CDH4: variants seen among roughly 807,000 people sequenced by gnomAD.
CDH4 encodes cadherin 4.
In CDH4, 33 loss-of-function variants were observed where a neutral mutation model predicts 86.0. That is an observed-to-expected ratio of 0.38 (90% confidence interval 0.29 to 0.51). CDH4 has a LOEUF of 0.51. Among genes scored for constraint, CDH4 ranks in the 20% least tolerant of loss-of-function variants. The pLI is 0.86. For missense variants in CDH4, 1,114 were observed against 1,307.4 expected (o/e 0.85, Z 2.28); for synonymous variants, 555 against 549.4 (o/e 1.01, Z -0.14).
At chr20:61,284,402 C>T (rs1468669002) in intron 2 of CDH4, among the ~76,000 whole-genome samples, 2 of 152,136 alleles carry the variant, frequency 1.3e-5, no homozygotes, top group Non-Finnish European at 2.9e-5. Context: ...TGGGAATGGC[C>T]TTGTGCAAAC....
At position 61,278,883 on chromosome 20, in the gene CDH4, T is replaced by C. The variant is rs78490570; in HGVS notation, c.169+23946T>C. Among the ~76,000 whole-genome samples, 319 of 152,324 alleles carry C rather than the reference T, an allele frequency of 2.1e-3. 2 individuals carry two copies. The highest frequency in any genetic ancestry group is 3.4e-3 in the Middle Eastern group (1 of 294). On this transcript the variant is annotated intron_variant, in intron 2 of 15. Coordinates refer to ENST00000614565, the MANE Select transcript of CDH4 (RefSeq NM_001794.5). ...AGTTGATTTGAGGGACTTCTCTTCA[T>C]AGGTGGCAATGGCAAGTATTCTTAC...
intron 2 of CDH4, among the ~76,000 whole-genome samples, chr20:61,527,839 G>A (rs772537388): frequency 5.3e-5 from 8 of 152,024 alleles, no homozygotes; most frequent in South Asian, 2.1e-4. Context: ...ATGACAAGAC[G>A]GTCTGTCAGG....
At chr20:61,675,084 G>A (rs1909226492) in intron 2 of CDH4, among the ~76,000 whole-genome samples, 5 of 152,248 alleles carry the variant, frequency 3.3e-5, no homozygotes, top group Admixed American at 3.3e-4. Context: ...CTTCATTCTA[G>A]CAGTGCAGGA....
At chr20:61,298,539 C>A (rs2084369109) in intron 2 of CDH4, among the ~76,000 whole-genome samples, 1 of 152,066 alleles carries the variant, frequency 6.6e-6, no homozygotes, top group Non-Finnish European at 1.5e-5. Flanking sequence ...AACCACACAC[C>A]CCGTCTGCAG....
chr20:61,670,700 G>T (rs1464995465), intron 2 of CDH4, among the ~76,000 whole-genome samples: 1 of 152,216 alleles, frequency 6.6e-6, no homozygotes, highest in Non-Finnish European at 1.5e-5. Context: ...GGTTTGTGAG[G>T]ATTCCCATGA....
At chr20:61,352,513 AGCCGCCTGTGGG>A (rs1372825804) in intron 2 of CDH4, among the ~76,000 whole-genome samples, 1 of 152,172 alleles carries the variant, frequency 6.6e-6, no homozygotes, top group Non-Finnish European at 1.5e-5. Context: ...GCGGGGTGTG[AGCCGCCTGTGGG>A]GCAGCCTCTC....
At chr20:61,299,183 G>A (rs575727405) in intron 2 of CDH4, among the ~76,000 whole-genome samples, 1 of 152,272 alleles carries the variant, frequency 6.6e-6, no homozygotes, top group Non-Finnish European at 1.5e-5. Context: ...AGAGGAAACC[G>A]AATCCAGTGT....
At chr20:61,262,351 G>A (rs141923387) in intron 2 of CDH4, among the ~76,000 whole-genome samples, 1 of 152,118 alleles carries the variant, frequency 6.6e-6, no homozygotes, top group East Asian at 1.9e-4. Flanking sequence ...GGTATAACTT[G>A]AAACAGTCTG....
chr20:61,839,478 ATGTGTG>A (rs566315023), intron 4 of CDH4, among the ~76,000 whole-genome samples: 1 of 144,170 alleles, frequency 6.9e-6, no homozygotes, highest in African/African-American at 2.6e-5. Flanking sequence ...GTGCATGTGT[ATGTGTG>A]TTTGTGTATA....
At chr20:61,430,307 G>A (rs887290209) in intron 2 of CDH4, among the ~76,000 whole-genome samples, 2 of 152,188 alleles carry the variant, frequency 1.3e-5, no homozygotes, top group South Asian at 2.1e-4. Context: ...AGAAGGGGGC[G>A]ATATGTTTTT....
At chr20:61,263,001 C>A (rs549151643) in intron 2 of CDH4, among the ~76,000 whole-genome samples, 12 of 151,858 alleles carry the variant, frequency 7.9e-5, no homozygotes, top group South Asian at 4.2e-4. Context: ...AAGCATTCAT[C>A]TTTTCAAAAA....
In CDH4 at chr20:61,680,595, G is replaced by A. The variant is rs1308511624; in HGVS notation, c.170-62968G>A. 2.0e-5 allele frequency among the ~76,000 whole-genome samples: 3 copies of A among 152,208 alleles called. No individual in the cohort carries two copies. The East Asian group carries it at 5.8e-4, about 29-fold the overall frequency. On this transcript the variant is annotated intron_variant, in intron 2 of 15. Transcript: ENST00000614565. ...AGGGCGGGGAGAAACACAAAGAGCC[G>A]AGCATCCCCCGAGGATAGAAGGGCG...
At chr20:61,513,903 A>G (rs116668245) in intron 2 of CDH4, among the ~76,000 whole-genome samples, 1 of 152,242 alleles carries the variant, frequency 6.6e-6, no homozygotes, top group African/African-American at 2.4e-5. Context: ...GCCCAGCACA[A>G]TAGAGCCAAG....
intron 2 of CDH4, among the ~76,000 whole-genome samples, chr20:61,461,993 G>A (rs2085446079): frequency 6.6e-6 from 1 of 152,188 alleles, no homozygotes; most frequent in Non-Finnish European, 1.5e-5. Flanking sequence ...CCCAGATCAG[G>A]TTCCAGCACA....
intron 2 of CDH4, among the ~76,000 whole-genome samples, chr20:61,616,671 G>T (rs551172180): frequency 7.7e-4 from 118 of 152,300 alleles, no homozygotes; most frequent in African/African-American, 2.7e-3. Context: ...AGCAAAGCTT[G>T]CTGTCATCAT....
At chr20:61,904,871 C>T (rs537443282) in intron 8 of CDH4, among the ~76,000 whole-genome samples, 10 of 152,354 alleles carry the variant, frequency 6.6e-5, no homozygotes, top group African/African-American at 2.4e-4. Flanking sequence ...TCGGCCCTGA[C>T]CGCCCACTGA....
chr20:61,845,726 C>A (rs907517195), intron 5 of CDH4, among the ~76,000 whole-genome samples: 33 of 152,238 alleles, frequency 2.2e-4, no homozygotes, highest in Admixed American at 1.9e-3. Flanking sequence ...GCGTTCAGCA[C>A]AAGCCCGTGC....
intron 2 of CDH4, among the ~76,000 whole-genome samples, chr20:61,445,366 G>C (rs1033624854): frequency 1.3e-4 from 20 of 152,214 alleles, no homozygotes; most frequent in African/African-American, 3.9e-4. Context: ...CAAGCCGAAG[G>C]CATGAGTTGT....
At chr20:61,496,237 A>G (rs995251266) in intron 2 of CDH4, among the ~76,000 whole-genome samples, 3 of 151,220 alleles carry the variant, frequency 2.0e-5, no homozygotes, top group African/African-American at 7.3e-5. Context: ...CTGTCTGTAC[A>G]AAAAAAAATT....
Sources: allele counts gnomAD v4.1 joint callset (sites outside exome capture counted in the v4.1 genomes callset), GRCh38; gene constraint gnomAD v4.1.1; transcripts MANE v1.5; gene names NCBI Gene and HGNC (gene_info 2026-07-23, HGNC 2026-07-21).